The following ANKRD6 variants were observed in gnomAD, a reference collection of about 807,000 sequenced individuals.
ANKRD6 encodes ankyrin repeat domain-containing protein 6.
A neutral mutation model predicts 82.3 loss-of-function variants in ANKRD6; 56 were observed. The ratio of observed to expected loss-of-function variants is 0.68; its 90% CI spans 0.55 to 0.85. The LOEUF (loss-of-function observed/expected upper bound fraction) is 0.85. Ranked by LOEUF, ANKRD6 falls within the 40% of genes least tolerant of loss-of-function variation. ANKRD6 has a pLI of 0.00. For missense variants in ANKRD6, 852 were observed against 907.6 expected (o/e 0.94, Z 0.79); for synonymous variants, 347 against 352.1 (o/e 0.99, Z 0.16).
Position 89,516,476 on chromosome 6 carries a change from A to G in ANKRD6, c.-143-50358A>G, listed in dbSNP as rs189490728. ...TTAGCTTCCAAAATTGTGGGAGCCAATTCCATTCTAGATTTTTTTTAAGAC... is the reference window on the plus strand; with the variant it reads ...TTAGCTTCCAAAATTGTGGGAGCCAGTTCCATTCTAGATTTTTTTTAAGAC... On this transcript the variant is annotated intron_variant, in intron 1 of 15. Coordinates refer to ENST00000339746, the MANE Select transcript of ANKRD6 (RefSeq NM_001242809.2). Among the ~76,000 whole-genome samples, 39 of 152,114 alleles carry G rather than the reference A, an allele frequency of 2.6e-4. No individual in the cohort carries two copies. In the East Asian group the frequency reaches 6.2e-3, roughly 24 times the overall value.
intron 1 of ANKRD6, among the ~76,000 whole-genome samples, chr6:89,485,301 T>TGAAG (rs778652580): frequency 1.8e-4 from 28 of 152,318 alleles, no homozygotes; most frequent in Admixed American, 3.9e-4. Context: ...TTTTCTGGGG[T>TGAAG]GAAGTCATAC....
At chr6:89,505,583 G>C (rs1319684967) in intron 1 of ANKRD6, among the ~76,000 whole-genome samples, 1 of 152,214 alleles carries the variant, frequency 6.6e-6, no homozygotes, top group East Asian at 1.9e-4. Flanking sequence ...AGAAGGGTCT[G>C]CCACTACAGT....
intron 1 of ANKRD6, among the ~76,000 whole-genome samples, chr6:89,562,200 C>G (rs1286190085): frequency 6.6e-6 from 1 of 152,206 alleles, no homozygotes; most frequent in African/African-American, 2.4e-5. Flanking sequence ...TGAAGGGGCT[C>G]AGTTCCCTGT....
At chr6:89,560,042 G>A (rs1047523400) in intron 1 of ANKRD6, among the ~76,000 whole-genome samples, 1 of 152,124 alleles carries the variant, frequency 6.6e-6, no homozygotes, top group Non-Finnish European at 1.5e-5. Context: ...CACCATGATA[G>A]GCTCTGGGGA....
intron 2 of ANKRD6, among the ~76,000 whole-genome samples, chr6:89,582,134 C>A (rs1278336979): frequency 6.6e-6 from 1 of 151,784 alleles, no homozygotes; most frequent in African/African-American, 2.4e-5. Context: ...TTATTTAACT[C>A]ATTAATTAAA....
rs532475509 is a variant in ANKRD6, at chr6:89,462,867, T to G, written c.-144+29492T>G. Among the ~76,000 whole-genome samples the G allele has an allele frequency of 4.7e-5, 7 of 148,784 alleles. No individual in the cohort carries two copies. In the Admixed American group the frequency reaches 4.7e-4, roughly 10 times the overall value. On this transcript the variant is annotated intron_variant, in intron 1 of 15. Transcript: ENST00000339746. Reference sequence around the variant, plus strand: ...TTGACCACCAAGATGAGTTTTTAGTTTTTTTTTTTTTTTTTTCTAAGAGAC... The same window carrying G: ...TTGACCACCAAGATGAGTTTTTAGTGTTTTTTTTTTTTTTTTCTAAGAGAC...
intron 1 of ANKRD6, among the ~76,000 whole-genome samples, chr6:89,546,450 ATGAT>A (rs1005631684): frequency 7.4e-6 from 1 of 134,408 alleles, no homozygotes. Flanking sequence ...AAGCAGTGTG[ATGAT>A]TGATTGATCG....
chr6:89,559,644 C>T (rs4707547), intron 1 of ANKRD6, among the ~76,000 whole-genome samples: 3 of 152,064 alleles, frequency 2.0e-5, no homozygotes, highest in Non-Finnish European at 2.9e-5. Context: ...GGATCTTTAC[C>T]TAACAGGGGT....
intron 15 of ANKRD6, 47 bp from the exon 16 acceptor site, chr6:89,630,384 CTG>C (rs753490742): frequency 1.1e-5 from 17 of 1,568,868 alleles, no homozygotes; most frequent in Middle Eastern, 1.7e-4. Flanking sequence ...AGCCATATGA[CTG>C]TGTGAATGTG....
At chr6:89,448,320 G>C (rs1002223282) in intron 1 of ANKRD6, among the ~76,000 whole-genome samples, 3 of 151,884 alleles carry the variant, frequency 2.0e-5, no homozygotes, top group African/African-American at 7.3e-5. Flanking sequence ...TGTAGTTCCA[G>C]CTACTCAGGA....
chr6:89,618,401 CT>C (rs1315381504), intron 9 of ANKRD6: 3 of 574,544 alleles, frequency 5.2e-6, no homozygotes, highest in Non-Finnish European at 9.3e-6. Flanking sequence ...GGGACAGGGA[CT>C]TTAAGAAGAG....
At chr6:89,520,624 T>C (rs1186047368) in intron 1 of ANKRD6, among the ~76,000 whole-genome samples, 3 of 152,260 alleles carry the variant, frequency 2.0e-5, no homozygotes, top group Non-Finnish European at 2.9e-5. Flanking sequence ...CCTCGGACTT[T>C]GGATCCTAGG....
intron 1 of ANKRD6, among the ~76,000 whole-genome samples, chr6:89,535,286 G>T (rs1298557521): frequency 1.3e-5 from 2 of 152,040 alleles, no homozygotes. Context: ...AACCTCAAAG[G>T]CCTGCAGTAT....
chr6:89,477,719 C>T (rs1052274318), intron 1 of ANKRD6, among the ~76,000 whole-genome samples: 2 of 143,438 alleles, frequency 1.4e-5, no homozygotes, highest in Admixed American at 7.3e-5. Context: ...TGCAGTGAGC[C>T]GAGATTGTGC....
chr6:89,475,985 T>A (rs1222341549), intron 1 of ANKRD6, among the ~76,000 whole-genome samples: 1 of 152,178 alleles, frequency 6.6e-6, no homozygotes, highest in Non-Finnish European at 1.5e-5. Context: ...TGTGAAACAA[T>A]TTACAGGTAT....
intron 2 of ANKRD6, among the ~76,000 whole-genome samples, chr6:89,568,655 T>C (rs1041607505): frequency 3.3e-5 from 5 of 152,130 alleles, no homozygotes; most frequent in African/African-American, 1.2e-4. Flanking sequence ...AGTGGAGCCC[T>C]TGTGATGAAA....
At position 89,624,031 on chromosome 6, in the gene ANKRD6, C is replaced by T. The variant is rs375712466; in HGVS notation, c.1192C>T (p.Arg398Trp). ...GGCGTATCAGCTCTACACATTGTAC[C>T]GGGGCAAGGATGGGAAAGTGATGCA... ...FRAYQLYTLY[R>W]GKDGKVMQAP... Residue 398 changes from arginine (R) to tryptophan (W), a missense_variant, in exon 12 of 16, where the codon CGG becomes TGG. Transcript: ENST00000339746. The T allele has an allele frequency of 2.5e-5, 40 of 1,607,692 alleles. No individual in the cohort carries two copies. The highest frequency in any genetic ancestry group is 1.3e-4 in the East Asian group (6 of 44,586).
At chr6:89,565,844 G>A (rs1221045023) in intron 1 of ANKRD6, among the ~76,000 whole-genome samples, 11 of 152,190 alleles carry the variant, frequency 7.2e-5, no homozygotes, top group Non-Finnish European at 1.3e-4. Context: ...CTTTTAAAAT[G>A]CAAAGAAGCC....
chr6:89,535,722 A>G (rs1463267123), intron 1 of ANKRD6, among the ~76,000 whole-genome samples: 2 of 152,190 alleles, frequency 1.3e-5, no homozygotes, highest in Non-Finnish European at 2.9e-5. Flanking sequence ...TCCTTGACCT[A>G]ATGTGGAAAG....
Sources: allele counts gnomAD v4.1 joint callset (sites outside exome capture counted in the v4.1 genomes callset), GRCh38; gene constraint gnomAD v4.1.1; transcripts MANE v1.5; gene names NCBI Gene and HGNC (gene_info 2026-07-23, HGNC 2026-07-21).